DOCK3: variants seen among roughly 807,000 people sequenced by gnomAD.
DOCK3 encodes the protein dedicator of cytokinesis protein 3.
A neutral mutation model predicts 265.6 loss-of-function variants in DOCK3; 60 were observed. The ratio of observed to expected loss-of-function variants is 0.23; its 90% CI spans 0.18 to 0.28. The LOEUF (loss-of-function observed/expected upper bound fraction) is 0.28, where lower values mean the gene tolerates loss of function less well. Among genes scored for constraint, DOCK3 ranks in the 10% least tolerant of loss-of-function variants. DOCK3 has a pLI of 1.00. For synonymous variants in DOCK3, 881 were observed against 938.0 expected (o/e 0.94, Z 1.11); for missense variants, 1,981 against 2,594.3 (o/e 0.76, Z 5.14).
intron 1 of DOCK3, among the ~76,000 whole-genome samples, chr3:50,712,795 A>T (rs745326328): frequency 8.5e-5 from 13 of 152,160 alleles, no homozygotes; most frequent in African/African-American, 1.7e-4. Flanking sequence ...CTACTGTTAC[A>T]GGAGATCGAT....
intron 5 of DOCK3, among the ~76,000 whole-genome samples, chr3:50,977,584 CTTCAT>C (rs1161253868): frequency 6.6e-6 from 1 of 152,076 alleles, no homozygotes; most frequent in Non-Finnish European, 1.5e-5. Flanking sequence ...ACATTTTTTC[CTTCAT>C]TTCAACTTTG....
At chr3:50,728,927 T>C (rs576487452) in intron 1 of DOCK3, among the ~76,000 whole-genome samples, 3 of 150,124 alleles carry the variant, frequency 2.0e-5, no homozygotes, top group African/African-American at 7.3e-5. Flanking sequence ...TTTCACCATG[T>C]TGGCCATGCT....
At chr3:50,820,463 A>G (rs1405368158) in intron 2 of DOCK3, among the ~76,000 whole-genome samples, 2 of 152,226 alleles carry the variant, frequency 1.3e-5, no homozygotes, top group Non-Finnish European at 2.9e-5. Context: ...TTAGGATAAT[A>G]GCCTCCAGCT....
intron 9 of DOCK3, among the ~76,000 whole-genome samples, chr3:51,106,602 CA>C (rs1476511007): frequency 1.1e-4 from 17 of 152,188 alleles, no homozygotes; most frequent in Non-Finnish European, 2.4e-4. Context: ...GCCCCTGCAC[CA>C]GGGGTGCTGG....
intron 1 of DOCK3, among the ~76,000 whole-genome samples, chr3:50,692,424 A>G (rs1224697653): frequency 6.6e-6 from 1 of 152,168 alleles, no homozygotes; most frequent in Non-Finnish European, 1.5e-5. Context: ...TAGATCCTTC[A>G]CATGCACAGT....
chr3:50,917,403 G>T (rs569605423), intron 4 of DOCK3, among the ~76,000 whole-genome samples: 1 of 151,852 alleles, frequency 6.6e-6, no homozygotes, highest in East Asian at 1.9e-4. Context: ...ATTTATCCAG[G>T]TGTCCTATTT....
intron 5 of DOCK3, among the ~76,000 whole-genome samples, chr3:51,018,625 CGCAAT>C (rs1361865156): frequency 6.6e-6 from 1 of 151,580 alleles, no homozygotes; most frequent in African/African-American, 2.4e-5. Context: ...AGTCTAGACA[CGCAAT>C]TCATTTATAT....
At position 51,049,067 on chromosome 3, in the gene DOCK3, C is replaced by T. The variant is rs1178524116; in HGVS notation, c.316-15381C>T. On this transcript the variant is annotated intron_variant, in intron 5 of 52. Transcript: ENST00000266037. ...GTAGGCTAGGCGCTGTGGCTCACGC[C>T]TGTAATCCCAGCACTTTGGGAGGCC... Among the ~76,000 whole-genome samples, 3 of 152,110 alleles carry T rather than the reference C, an allele frequency of 2.0e-5. No homozygotes were observed. The East Asian group carries it at 5.8e-4, about 29-fold the overall frequency.
chr3:50,721,399 C>G (rs1559551290), intron 1 of DOCK3, among the ~76,000 whole-genome samples: 1 of 152,194 alleles, frequency 6.6e-6, no homozygotes, highest in Non-Finnish European at 1.5e-5. Flanking sequence ...TTTCAGTCAT[C>G]TGCATATGGC....
chr3:51,067,459 G>C (rs894031340), intron 6 of DOCK3, among the ~76,000 whole-genome samples: 1 of 151,764 alleles, frequency 6.6e-6, no homozygotes, highest in Admixed American at 6.6e-5. Flanking sequence ...GTGTGTGTGC[G>C]CGCGCGTTGG....
Position 51,361,177 on chromosome 3 carries a change from G to A in DOCK3, c.5006+545G>A, listed in dbSNP as rs888944846. ...AAGACTGGTTTGCCTGGGCTCAACT[G>A]AGAATACTGAAAGCCTCTAGGCCAG... is the stretch of plus-strand genomic sequence containing the variant. On this transcript the variant is annotated intron_variant, in intron 47 of 52. Transcript: ENST00000266037. This position sits in a 1 kb window ranked among gnomAD's most constrained non-coding sequence, Gnocchi z 4.2. Among the ~76,000 whole-genome samples the A allele has an allele frequency of 2.0e-5, 3 of 152,224 alleles. No individual in the cohort carries two copies. Among genetic ancestry groups the A allele is most frequent in the Non-Finnish European group, 2.9e-5 (2 of 68,048 alleles).
At chr3:51,063,864 T>G (rs1187133516) in intron 5 of DOCK3, among the ~76,000 whole-genome samples, 1 of 152,216 alleles carries the variant, frequency 6.6e-6, no homozygotes, top group African/African-American at 2.4e-5. Flanking sequence ...CTGAAAAGAC[T>G]GGAAATCTGT....
intron 2 of DOCK3, among the ~76,000 whole-genome samples, chr3:50,834,589 C>A (rs961382386): frequency 6.6e-6 from 1 of 151,992 alleles, no homozygotes; most frequent in African/African-American, 2.4e-5. Context: ...CCTTAGGTGA[C>A]CTAATAGCTA....
At chr3:51,242,086 G>GT (rs916228219) in intron 21 of DOCK3, among the ~76,000 whole-genome samples, 120 of 148,544 alleles carry the variant, frequency 8.1e-4, no homozygotes, top group Middle Eastern at 3.4e-3. Flanking sequence ...CCTTTGGATG[G>GT]TTTTTTTTTT....
In DOCK3 at chr3:51,301,412, T is replaced by C. The variant is rs143827117; in HGVS notation, c.2923-8820T>C. Among the ~76,000 whole-genome samples, 1,401 of 152,206 alleles carry C rather than the reference T, an allele frequency of 9.2e-3. 22 individuals are homozygous for C. The highest frequency in any genetic ancestry group is 0.032 in the African/African-American group (1,308 of 41,512). On this transcript the variant is annotated intron_variant, in intron 27 of 52. Transcript: ENST00000266037. The stretch of plus-strand genomic sequence containing the variant: ...TTTTCATGTCTCTATCTCCTTTAGT[T>C]CTGCTCTCATCTTGGATATTTCCTG...
intron 1 of DOCK3, among the ~76,000 whole-genome samples, chr3:50,758,247 C>T (rs1020446531): frequency 1.5e-4 from 22 of 150,742 alleles, no homozygotes; most frequent in Non-Finnish European, 2.2e-4. Flanking sequence ...TTATCCCCCC[C>T]GCCCCAGAGT....
At chr3:51,209,796 AC>A (rs2089409279) in intron 13 of DOCK3, among the ~76,000 whole-genome samples, 1 of 152,222 alleles carries the variant, frequency 6.6e-6, no homozygotes, top group African/African-American at 2.4e-5. Flanking sequence ...GGAGATTCAC[AC>A]CAGAGGCTGC....
intron 24 of DOCK3, among the ~76,000 whole-genome samples, chr3:51,271,880 A>G (rs200578861): frequency 6.7e-6 from 1 of 149,024 alleles, no homozygotes; most frequent in Non-Finnish European, 1.5e-5. Flanking sequence ...AGGCCCTGAA[A>G]GGGGCCCTGA....
intron 26 of DOCK3, 60 bp from the exon 27 acceptor site, chr3:51,280,046 T>A: frequency 7.1e-7 from 1 of 1,399,376 alleles, no homozygotes. Context: ...CCTCTATGGA[T>A]TGGGGGAACA....
Sources: allele counts gnomAD v4.1 joint callset (sites outside exome capture counted in the v4.1 genomes callset), GRCh38; gene constraint gnomAD v4.1.1; non-coding constraint Gnocchi (gnomAD v3.1); transcripts MANE v1.5; gene names NCBI Gene and HGNC (gene_info 2026-07-23, HGNC 2026-07-21).